The following CSMD3 variants were observed in gnomAD, a reference collection of about 807,000 sequenced individuals.
The protein encoded by CSMD3 is CUB and sushi domain-containing protein 3.
In CSMD3, 177 loss-of-function variants were observed where a neutral mutation model predicts 435.2. That is an observed-to-expected ratio of 0.41 (90% CI 0.36 to 0.46). The LOEUF is 0.46. CSMD3 is among the 20% of genes least tolerant of loss of function. The pLI, the probability that CSMD3 is intolerant of heterozygous loss-of-function variation, is 0.34. For synonymous variants in CSMD3, 1,656 were observed against 1,520.5 expected (o/e 1.09, Z -2.07); for missense variants, 4,265 against 4,504.6 (o/e 0.95, Z 1.52).
At chr8:112,843,885 T>A (rs1479655027) in intron 11 of CSMD3, among the ~76,000 whole-genome samples, 1 of 151,904 alleles carries the variant, frequency 6.6e-6, no homozygotes, top group East Asian at 1.9e-4. Context: ...TGTTTTAATT[T>A]ATATTAATAT....
chr8:113,228,196 G>A (rs981440963), intron 3 of CSMD3, among the ~76,000 whole-genome samples: 1 of 151,420 alleles, frequency 6.6e-6, no homozygotes, highest in African/African-American at 2.4e-5. Context: ...TTAAAAACTT[G>A]AAACATTTTG....
At chr8:113,403,444 T>C (rs1328679775) in intron 1 of CSMD3, among the ~76,000 whole-genome samples, 1 of 151,336 alleles carries the variant, frequency 6.6e-6, no homozygotes, top group Admixed American at 6.6e-5. Context: ...TAAATTGTTG[T>C]TAAAATGCAG....
intron 3 of CSMD3, among the ~76,000 whole-genome samples, chr8:113,225,893 T>C (rs952731600): frequency 3.3e-4 from 50 of 151,642 alleles, no homozygotes; most frequent in Non-Finnish European, 1.5e-5. Flanking sequence ...AGAACGGACC[T>C]CATGGGAAGT....
At chr8:113,257,226 G>C (rs112900474) in intron 3 of CSMD3, among the ~76,000 whole-genome samples, 9,826 of 152,114 alleles carry the variant, frequency 0.065, 445 homozygotes, top group Non-Finnish European at 0.095. Context: ...GGCTAACATG[G>C]TGAAACCACC....
chr8:112,684,255 A>G (rs188018437), intron 15 of CSMD3, among the ~76,000 whole-genome samples: 20 of 152,190 alleles, frequency 1.3e-4, no homozygotes, highest in Non-Finnish European at 2.2e-4. Flanking sequence ...GTCATTTTAT[A>G]TAAGTTTCTA....
intron 38 of CSMD3, among the ~76,000 whole-genome samples, chr8:112,353,797 C>A (rs887209010): frequency 9.9e-5 from 15 of 152,026 alleles, no homozygotes; most frequent in African/African-American, 3.6e-4. Flanking sequence ...TACCAATTTA[C>A]CAAAACTTAC....
chr8:112,492,608 C>T lies in CSMD3; in HGVS notation c.5159G>A (p.Gly1720Glu), dbSNP rs2130853747. The change falls in exon 31 of 71, where the codon GGG becomes GAG. Residue 1720 changes from glycine (G) to glutamate (E), a missense_variant. This residue lies in a region of CSMD3 where 3,255 missense variants were observed against 3,380.2 expected (regional missense o/e 0.96). Transcript: ENST00000297405. Reference sequence around the variant, plus strand: ...ATCACAGTAATAGGTGACTGTTGACCCTAATTTATAATCCATTCCAAGTCT... The same window carrying T: ...ATCACAGTAATAGGTGACTGTTGACTCTAATTTATAATCCATTCCAAGTCT... ...GTRLGMDYKLGSTVTYYCDAG... is the reference protein window; with the variant it reads ...GTRLGMDYKLESTVTYYCDAG... 2 of 1,613,340 alleles carry T rather than the reference C, an allele frequency of 1.2e-6. No homozygotes were observed. The highest frequency in any genetic ancestry group is 1.7e-6 in the Non-Finnish European group (2 of 1,179,426).
At chr8:113,131,355 C>T (rs1471245143) in intron 4 of CSMD3, among the ~76,000 whole-genome samples, 4 of 152,086 alleles carry the variant, frequency 2.6e-5, no homozygotes, top group African/African-American at 9.7e-5. Flanking sequence ...GAAACCCTTG[C>T]TCTGTGCAGC....
chr8:113,332,709 C>G (rs547030016), intron 1 of CSMD3, among the ~76,000 whole-genome samples: 12 of 151,672 alleles, frequency 7.9e-5, no homozygotes, highest in African/African-American at 2.9e-4. Flanking sequence ...CAGACTGATG[C>G]ACTTATTCAA....
chr8:112,573,770 A>T, intron 23 of CSMD3, 113 bp from the exon 24 acceptor site: 1 of 827,982 alleles, frequency 1.2e-6, no homozygotes, highest in Non-Finnish European at 1.9e-6. Flanking sequence ...TCAGATCAGT[A>T]CATTTCCAAA....
At position 112,361,671 on chromosome 8, in the gene CSMD3, C is replaced by T. The variant is rs67822558; in HGVS notation, c.6137-9137G>A. On this transcript the variant is annotated intron_variant, in intron 38 of 70. Transcript: ENST00000297405. Reference sequence around the variant, plus strand: ...AATGAGTGATTAACGCATTGAGATACGAAGACATGGAGGGGAAAATGTTTA... The same window carrying T: ...AATGAGTGATTAACGCATTGAGATATGAAGACATGGAGGGGAAAATGTTTA... 2.0e-4 allele frequency among the ~76,000 whole-genome samples: 28 copies of T among 140,288 alleles called. No individual in the cohort carries two copies. In the East Asian group the frequency reaches 4.6e-3, roughly 23 times the overall value. 92.0% of individuals were successfully genotyped at this position (140,288 alleles called of 152,430 possible). A position where few individuals can be genotyped will look rare whatever the true frequency, so the allele number is the denominator to read the frequency against.
intron 13 of CSMD3, among the ~76,000 whole-genome samples, chr8:112,724,172 G>A (rs976327654): frequency 1.3e-5 from 2 of 151,910 alleles, no homozygotes; most frequent in African/African-American, 2.4e-5. Flanking sequence ...GGCAGCCTTG[G>A]AAAATGGCAT....
At chr8:112,728,229 T>C (rs2077005159) in intron 13 of CSMD3, among the ~76,000 whole-genome samples, 1 of 151,786 alleles carries the variant, frequency 6.6e-6, no homozygotes, top group Non-Finnish European at 1.5e-5. Flanking sequence ...TCAAGTAAAT[T>C]TATTTAGATG....
intron 4 of CSMD3, among the ~76,000 whole-genome samples, chr8:113,150,201 A>G (rs1341825878): frequency 6.6e-6 from 1 of 151,980 alleles, no homozygotes; most frequent in Admixed American, 6.6e-5. Context: ...ACAATGGTAT[A>G]TCACTTTTGT....
chr8:112,870,542 C>A (rs568999073), intron 10 of CSMD3, among the ~76,000 whole-genome samples: 24 of 151,992 alleles, frequency 1.6e-4, no homozygotes, highest in African/African-American at 5.8e-4. Context: ...TCCCAAAGTG[C>A]TGGGATTACA....
intron 14 of CSMD3, among the ~76,000 whole-genome samples, chr8:112,686,804 A>G (rs61291053): frequency 4.6e-5 from 7 of 151,816 alleles, no homozygotes; most frequent in African/African-American, 1.7e-4. Flanking sequence ...CATATTTTTT[A>G]AAAAATTGAA....
At chr8:113,324,658 C>T (rs1445934295) in intron 1 of CSMD3, among the ~76,000 whole-genome samples, 1 of 152,148 alleles carries the variant, frequency 6.6e-6, no homozygotes, top group African/African-American at 2.4e-5. Flanking sequence ...AATGTGGTGT[C>T]GGAGTCCCCA....
chr8:112,356,350 T>G (rs1272711036), intron 38 of CSMD3, among the ~76,000 whole-genome samples: 2 of 152,150 alleles, frequency 1.3e-5, no homozygotes, highest in Non-Finnish European at 2.9e-5. Flanking sequence ...AATCATGTCC[T>G]TTGCAGGAAT....
chr8:113,186,359 A>G (rs2131957798), intron 3 of CSMD3, among the ~76,000 whole-genome samples: 1 of 152,080 alleles, frequency 6.6e-6, no homozygotes, highest in East Asian at 2.0e-4. Flanking sequence ...CTGATGGAAA[A>G]ACAACATGTA....
Sources: gnomAD v4.1 joint callset for allele counts (sites outside exome capture counted in the v4.1 genomes callset) on GRCh38, gnomAD v4.1.1 for gene constraint, gnomAD v4.1.1 regional missense constraint, MANE v1.5 for transcripts, NCBI Gene and HGNC (gene_info 2026-07-23, HGNC 2026-07-21) for gene names.